HCN1: variants seen among roughly 807,000 people sequenced by gnomAD.
HCN1 encodes the protein potassium/sodium hyperpolarization-activated cyclic nucleotide-gated channel 1.
In HCN1, 13 loss-of-function variants were observed where a neutral mutation model predicts 78.9. That is an observed-to-expected ratio of 0.16 (90% CI 0.11 to 0.26). The LOEUF is 0.26. Ranked by LOEUF, HCN1 falls within the 10% of genes least tolerant of loss-of-function variation. The probability of loss-of-function intolerance (pLI) is 1.00; values close to 1 mark genes in which losing one functional copy is unlikely to be tolerated. For missense variants in HCN1, 810 were observed against 1,154.3 expected (o/e 0.70, Z 4.32); for synonymous variants, 552 against 455.5 (o/e 1.21, Z -2.70).
rs1747286479 is a variant in HCN1, at chr5:45,368,734, GT to G, written c.1231-15489del. ...TACTAGTGTTCTGCATATCAGATGA[GT>G]TTCTACCGGGAGCTGGGGCCAAAAG... is the stretch of plus-strand genomic sequence containing the variant. On this transcript the variant is annotated intron_variant, in intron 4 of 7. Coordinates refer to ENST00000303230, the MANE Select transcript of HCN1 (RefSeq NM_021072.4). Among the ~76,000 whole-genome samples, 5 of 151,978 alleles carry G rather than the reference GT, an allele frequency of 3.3e-5. No individual in the cohort carries two copies. In the South Asian group the frequency reaches 8.3e-4, roughly 25 times the overall value.
At chr5:45,692,534 C>T (rs551579713) in intron 1 of HCN1, among the ~76,000 whole-genome samples, 181 of 152,260 alleles carry the variant, frequency 1.2e-3, no homozygotes, top group Non-Finnish European at 1.8e-3. Flanking sequence ...GTAGCTTCCA[C>T]CCAGTTATTT....
At chr5:45,388,506 C>T (rs942237841) in intron 4 of HCN1, among the ~76,000 whole-genome samples, 1 of 152,106 alleles carries the variant, frequency 6.6e-6, no homozygotes, top group Non-Finnish European at 1.5e-5. Flanking sequence ...CCGGTAGCAG[C>T]AGCAGCATCT....
chr5:45,297,295 C>A (rs1283758938), intron 6 of HCN1, among the ~76,000 whole-genome samples: 1 of 152,084 alleles, frequency 6.6e-6, no homozygotes, highest in Non-Finnish European at 1.5e-5. Context: ...AGGCGGTTTC[C>A]ACCCTGGGCG....
At chr5:45,280,302 T>C (rs1189966411) in intron 6 of HCN1, among the ~76,000 whole-genome samples, 2 of 152,172 alleles carry the variant, frequency 1.3e-5, no homozygotes, top group African/African-American at 2.4e-5. Context: ...CAAGTGAGAA[T>C]GAAGGAAGAC....
intron 2 of HCN1, among the ~76,000 whole-genome samples, chr5:45,588,813 A>T (rs1744296605): frequency 6.6e-6 from 1 of 152,120 alleles, no homozygotes; most frequent in Non-Finnish European, 1.5e-5. Context: ...AATGATGAAC[A>T]TTACCCTGAA....
intron 2 of HCN1, among the ~76,000 whole-genome samples, chr5:45,501,529 T>C (rs529888543): frequency 1.3e-5 from 2 of 152,060 alleles, no homozygotes; most frequent in African/African-American, 2.4e-5. Context: ...CTGCCTCCCA[T>C]GTTCAAGCTA....
intron 1 of HCN1, among the ~76,000 whole-genome samples, chr5:45,666,327 T>C (rs1746047921): frequency 6.6e-6 from 1 of 152,116 alleles, no homozygotes. Flanking sequence ...CATAGCAATG[T>C]GTCCTAAAGA....
intron 2 of HCN1, among the ~76,000 whole-genome samples, chr5:45,564,346 C>T (rs1743665008): frequency 6.6e-6 from 1 of 151,874 alleles, no homozygotes; most frequent in African/African-American, 2.4e-5. Flanking sequence ...CTGCAAGCTC[C>T]ACCTCCTGTG....
intron 3 of HCN1, among the ~76,000 whole-genome samples, chr5:45,397,636 C>A (rs752407800): frequency 5.9e-5 from 9 of 151,458 alleles, no homozygotes; most frequent in Non-Finnish European, 1.3e-4. Context: ...GGGAAAAAAA[C>A]TTATTAAATA....
chr5:45,478,449 G>A (rs903443311), intron 2 of HCN1, among the ~76,000 whole-genome samples: 3 of 152,142 alleles, frequency 2.0e-5, no homozygotes, highest in African/African-American at 7.2e-5. Context: ...TAACACAGAT[G>A]GCTTGTCCGA....
At chr5:45,677,488 G>C (rs1360382983) in intron 1 of HCN1, among the ~76,000 whole-genome samples, 1 of 151,802 alleles carries the variant, frequency 6.6e-6, no homozygotes, top group Non-Finnish European at 1.5e-5. Context: ...ACCTCCAAAA[G>C]GGGTATTAAG....
intron 3 of HCN1, among the ~76,000 whole-genome samples, chr5:45,397,523 A>C (rs1739709461): frequency 6.6e-6 from 1 of 151,960 alleles, no homozygotes; most frequent in African/African-American, 2.4e-5. Context: ...TTAAAATTTA[A>C]ATTATTTTTT....
chr5:45,425,711 G>A (rs1165746095), intron 3 of HCN1, among the ~76,000 whole-genome samples: 1 of 152,152 alleles, frequency 6.6e-6, no homozygotes, highest in African/African-American at 2.4e-5. Context: ...ATGAATTAGA[G>A]ATTTAGAAAA....
intron 3 of HCN1, among the ~76,000 whole-genome samples, chr5:45,428,614 T>C (rs1262688503): frequency 1.3e-5 from 2 of 152,112 alleles, no homozygotes; most frequent in African/African-American, 4.8e-5. Flanking sequence ...TAAAGGCAAC[T>C]GCACATTTTT....
intron 6 of HCN1, among the ~76,000 whole-genome samples, chr5:45,297,647 A>G (rs1745526146): frequency 6.6e-6 from 1 of 152,074 alleles, no homozygotes. Context: ...AAAAATCAGA[A>G]AGCACATTAC....
chr5:45,329,782 C>T (rs1337667913), intron 5 of HCN1, among the ~76,000 whole-genome samples: 1 of 151,356 alleles, frequency 6.6e-6, no homozygotes, highest in Non-Finnish European at 1.5e-5. Flanking sequence ...AGATACCTGT[C>T]ATCCAGCAAG....
intron 2 of HCN1, among the ~76,000 whole-genome samples, chr5:45,520,690 T>C (rs1742597762): frequency 6.6e-6 from 1 of 152,010 alleles, no homozygotes; most frequent in Non-Finnish European, 1.5e-5. Flanking sequence ...ATCTTAAAAA[T>C]AAACATTCAT....
intron 3 of HCN1, among the ~76,000 whole-genome samples, chr5:45,446,411 T>G (rs1229833474): frequency 6.6e-6 from 1 of 152,108 alleles, no homozygotes; most frequent in Non-Finnish European, 1.5e-5. Flanking sequence ...CTACATCTGA[T>G]TGGTGTACCT....
intron 3 of HCN1, among the ~76,000 whole-genome samples, chr5:45,441,365 G>A (rs1237834617): frequency 7.3e-6 from 1 of 137,328 alleles, no homozygotes; most frequent in Non-Finnish European, 1.6e-5. Flanking sequence ...AGGAGGGAGG[G>A]AAGCAAAGAA....
Sources: allele counts gnomAD v4.1 joint callset (sites outside exome capture counted in the v4.1 genomes callset), GRCh38; gene constraint gnomAD v4.1.1; transcripts MANE v1.5; gene names NCBI Gene and HGNC (gene_info 2026-07-23, HGNC 2026-07-21).